CHP1: variants seen among roughly 807,000 people sequenced by gnomAD.
CHP1 encodes the protein calcineurin like EF-hand protein 1, also known as calcineurin B homologous protein 1.
Under a neutral mutation model 27.4 loss-of-function variants are expected in CHP1, and 11 were observed. The ratio of observed to expected loss-of-function variants is 0.40; its 90% CI spans 0.25 to 0.67. The LOEUF is 0.67. Ranked by LOEUF, CHP1 falls within the 30% of genes least tolerant of loss-of-function variation. CHP1 has a pLI of 0.38. For synonymous variants in CHP1, 89 were observed against 87.4 expected, an observed-to-expected ratio of 1.02 and a Z score of -0.10; for missense variants, 169 against 251.3, an observed-to-expected ratio of 0.67 and a Z score of 2.22.
At chr15:41,278,699 T>C in intron 5 of CHP1, 68 bp from the exon 6 acceptor site, 2 of 1,598,534 alleles carry the variant, frequency 1.3e-6, no homozygotes, top group Non-Finnish European at 1.7e-6. Flanking sequence ...ATAGCTTTAT[T>C]TTTAATCTTA....
At chr15:41,248,239 C>T (rs2047346450) in intron 2 of CHP1, among the ~76,000 whole-genome samples, 1 of 151,892 alleles carries the variant, frequency 6.6e-6, no homozygotes, top group Non-Finnish European at 1.5e-5. Context: ...ACCTCAACCT[C>T]CTGGGCTCAG....
At position 41,231,358 on chromosome 15, in the gene CHP1, T is replaced by C; in HGVS notation, c.-25T>C. 6.3e-7 allele frequency: 1 copy of C among 1,585,466 alleles called. No individual in the cohort carries two copies. The highest frequency in any genetic ancestry group is 8.6e-7 in the Non-Finnish European group (1 of 1,166,978). Reference sequence around the variant, plus strand: ...TCGCCGTCTCTTCTGGCGCCGCTGCTCCCGGAGGAGCTCCCGGCACGGCGA... The same window carrying C: ...TCGCCGTCTCTTCTGGCGCCGCTGCCCCCGGAGGAGCTCCCGGCACGGCGA... On this transcript the variant is annotated 5_prime_UTR_variant, in exon 1 of 7. Coordinates refer to ENST00000334660, the MANE Select transcript of CHP1 (RefSeq NM_007236.5).
intron 3 of CHP1, among the ~76,000 whole-genome samples, chr15:41,257,854 C>T (rs1276074679): frequency 6.6e-6 from 1 of 152,152 alleles, no homozygotes; most frequent in Non-Finnish European, 1.5e-5. Flanking sequence ...GCCACCATGC[C>T]CAGCCTACAT....
chr15:41,260,197 G>C (rs1207474140), intron 3 of CHP1, among the ~76,000 whole-genome samples: 3 of 151,554 alleles, frequency 2.0e-5, no homozygotes, highest in Non-Finnish European at 4.4e-5. Context: ...GTAACCACAG[G>C]AACCAGGCCA....
intron 1 of CHP1, among the ~76,000 whole-genome samples, chr15:41,240,004 C>T (rs945277145): frequency 6.6e-6 from 1 of 151,734 alleles, no homozygotes; most frequent in Non-Finnish European, 1.5e-5. Context: ...TCTCAATCTC[C>T]TGACCTCGTG....
intron 1 of CHP1, among the ~76,000 whole-genome samples, chr15:41,240,480 G>A (rs1014520645): frequency 1.3e-5 from 2 of 152,132 alleles, no homozygotes; most frequent in African/African-American, 2.4e-5. Flanking sequence ...AGAGCTGGGC[G>A]CGGTGGCTCA....
In CHP1 at chr15:41,281,231, C is replaced by T. The variant is rs1422076365; in HGVS notation, c.*1842C>T. ...GCCATAGTCTGCTCCTAATACATGT[C>T]CAAAGCATTGACTGTTGTGTCATTA... is the stretch of plus-strand genomic sequence containing the variant. On this transcript the variant is annotated 3_prime_UTR_variant, in exon 7 of 7. Transcript: ENST00000334660. 1 of 152,232 alleles carries T rather than the reference C, an allele frequency of 6.6e-6. No individual in the cohort carries two copies. The highest frequency in any genetic ancestry group is 1.9e-4 in the East Asian group (1 of 5,198). The allele number at this position is 152,232 out of a possible 1,614,324, so 9.4% of individuals were successfully genotyped here.
intron 1 of CHP1, among the ~76,000 whole-genome samples, chr15:41,236,376 C>A (rs1217544773): frequency 6.6e-6 from 1 of 152,192 alleles, no homozygotes; most frequent in Non-Finnish European, 1.5e-5. Flanking sequence ...ATCCTCCCAG[C>A]TCAGCCTCCT....
At chr15:41,258,079 CGT>C (rs1329636016) in intron 3 of CHP1, among the ~76,000 whole-genome samples, 1 of 152,074 alleles carries the variant, frequency 6.6e-6, no homozygotes, top group Non-Finnish European at 1.5e-5. Context: ...ACATACTCTA[CGT>C]GTGTGTGTAT....
At chr15:41,247,988 TA>T (rs1413498337) in intron 2 of CHP1, among the ~76,000 whole-genome samples, 14 of 109,518 alleles carry the variant, frequency 1.3e-4, no homozygotes, top group East Asian at 2.3e-4. Flanking sequence ...AATAAATAAA[TA>T]AAATAAATAA....
chr15:41,255,878 G>A (rs1463536781), intron 2 of CHP1, among the ~76,000 whole-genome samples: 3 of 152,022 alleles, frequency 2.0e-5, no homozygotes, highest in Non-Finnish European at 2.9e-5. Context: ...CTAGCCAGGC[G>A]TGGTGGAGAG....
At chr15:41,268,987 T>C (rs2047475642) in intron 4 of CHP1, among the ~76,000 whole-genome samples, 1 of 151,476 alleles carries the variant, frequency 6.6e-6, no homozygotes, top group Non-Finnish European at 1.5e-5. Context: ...ACAATTTATC[T>C]AGACAAAGAC....
chr15:41,255,978 T>C (rs887814412), intron 2 of CHP1, among the ~76,000 whole-genome samples: 2 of 152,064 alleles, frequency 1.3e-5, no homozygotes, highest in Non-Finnish European at 2.9e-5. Context: ...GACCATGCCA[T>C]TGCATTCCAG....
At chr15:41,264,742 G>A (rs775539009) in intron 4 of CHP1, among the ~76,000 whole-genome samples, 1 of 152,112 alleles carries the variant, frequency 6.6e-6, no homozygotes, top group Non-Finnish European at 1.5e-5. Context: ...TCCATACCCA[G>A]CCTGTTTTTT....
At chr15:41,252,365 T>C (rs1306973074) in intron 2 of CHP1, among the ~76,000 whole-genome samples, 4 of 151,456 alleles carry the variant, frequency 2.6e-5, no homozygotes, top group Non-Finnish European at 5.9e-5. Context: ...GACGGGGTTT[T>C]ACCATCTTGG....
At chr15:41,236,434 T>A (rs1263466410) in intron 1 of CHP1, among the ~76,000 whole-genome samples, 3 of 151,808 alleles carry the variant, frequency 2.0e-5, no homozygotes, top group Non-Finnish European at 4.4e-5. Context: ...GCTAATTTTT[T>A]AATTTTTTGT....
chr15:41,254,138 C>T (rs1030898989), intron 2 of CHP1, among the ~76,000 whole-genome samples: 3 of 152,042 alleles, frequency 2.0e-5, no homozygotes, highest in African/African-American at 4.8e-5. Flanking sequence ...TGTCCTTGAT[C>T]TGGGTGACTG....
In CHP1 at chr15:41,235,559, T is replaced by G. The variant is rs143042940; in HGVS notation, c.67+4110T>G. Reference sequence around the variant, plus strand: ...ACAAACAACAACCACAAAAACACCTTGATAAACAATTCATGCCATTCAAGT... The same window carrying G: ...ACAAACAACAACCACAAAAACACCTGGATAAACAATTCATGCCATTCAAGT... On this transcript the variant is annotated intron_variant, in intron 1 of 6. Transcript: ENST00000334660. Among the ~76,000 whole-genome samples the G allele has an allele frequency of 7.8e-3, 1,192 of 152,226 alleles. 19 individuals are homozygous for G. The highest frequency in any genetic ancestry group is 0.028 in the African/African-American group (1,144 of 41,552).
intron 5 of CHP1, among the ~76,000 whole-genome samples, chr15:41,271,418 A>G (rs554736201): frequency 6.6e-6 from 1 of 152,254 alleles, no homozygotes; most frequent in African/African-American, 2.4e-5. Context: ...ACAAGAGTGA[A>G]ACTCCATCCC....
Sources: gnomAD v4.1 joint callset for allele counts (sites outside exome capture counted in the v4.1 genomes callset) on GRCh38, gnomAD v4.1.1 for gene constraint, MANE v1.5 for transcripts, NCBI Gene and HGNC (gene_info 2026-07-23, HGNC 2026-07-21) for gene names.